PARVB: variants seen among roughly 807,000 people sequenced by gnomAD.
PARVB encodes beta-parvin.
Under a neutral mutation model 47.0 loss-of-function variants are expected in PARVB, and 46 were observed. The observed-to-expected ratio is 0.98, with a 90% CI of 0.77 to 1.25. The LOEUF (loss-of-function observed/expected upper bound fraction) is 1.25, where lower values mean the gene tolerates loss of function less well. PARVB is among the 50% of genes most tolerant of loss of function. PARVB has a pLI of 0.00. For missense variants in PARVB, 473 were observed against 471.6 expected (o/e 1.00, Z -0.03); for synonymous variants, 196 against 196.3 (o/e 1.00, Z 0.01).
intron 2 of PARVB, among the ~76,000 whole-genome samples, chr22:44,095,833 G>A (rs769401666): frequency 7.2e-5 from 11 of 152,212 alleles, no homozygotes; most frequent in Admixed American, 2.0e-4. Context: ...AAGAAACGCC[G>A]ATGCAAGTTC....
intron 1 of PARVB, among the ~76,000 whole-genome samples, chr22:44,073,650 G>C (rs1384419478): frequency 6.6e-6 from 1 of 152,194 alleles, no homozygotes; most frequent in Admixed American, 6.5e-5. Flanking sequence ...TGAGGAGGTG[G>C]GGCCCGCTTG....
Position 44,170,239 on chromosome 22 carries a change from G to A in PARVB, c.*1561G>A, listed in dbSNP as rs987444580. 2 of 152,010 alleles carry A rather than the reference G, an allele frequency of 1.3e-5. No homozygotes were observed. The highest frequency in any genetic ancestry group is 2.9e-5 in the Non-Finnish European group (2 of 68,050). The allele number at this position is 152,010 out of a possible 1,614,324, so 9.4% of individuals were successfully genotyped here. The stretch of plus-strand genomic sequence containing the variant: ...TGTTCTCAAACCCCTGGGCTTGAGC[G>A]ACCCACCCACCTCAGCCTCCCAAAG... On this transcript the variant is annotated 3_prime_UTR_variant, in exon 13 of 13. Transcript: ENST00000338758.
At chr22:44,153,006 T>G (rs1182383799) in intron 10 of PARVB, 1 of 152,094 alleles carries the variant, frequency 6.6e-6, no homozygotes, top group African/African-American at 2.4e-5. Context: ...GCACAGAGGG[T>G]TTTGTTCAGG....
At chr22:44,070,748 T>C (rs1416977980) in intron 1 of PARVB, among the ~76,000 whole-genome samples, 6 of 152,184 alleles carry the variant, frequency 3.9e-5, no homozygotes, top group Non-Finnish European at 8.8e-5. Context: ...TCCTGCACAG[T>C]GCTGGGCGGG....
chr22:44,110,195 G>T (rs1248731594), intron 3 of PARVB: 1 of 150,718 alleles, frequency 6.6e-6, no homozygotes, highest in African/African-American at 2.4e-5. Flanking sequence ...GTCTGTGCCT[G>T]CTTTAGCCGC....
chr22:44,139,289 T>G (rs746700864), intron 7 of PARVB: 30 of 152,208 alleles, frequency 2.0e-4, no homozygotes, highest in Non-Finnish European at 4.4e-4. Flanking sequence ...AGTGCAGTCT[T>G]GACCTCCCAG....
chr22:44,079,550 C>A (rs1305194589), intron 1 of PARVB, among the ~76,000 whole-genome samples: 1 of 152,226 alleles, frequency 6.6e-6, no homozygotes, highest in Non-Finnish European at 1.5e-5. Context: ...AATCTGACCC[C>A]TTACTCAGCC....
rs116827640 is a variant in PARVB, at chr22:44,016,446, G to T, written c.211+16773G>T. ...TTCCACTCTAAACCTCACTCTCTGT[G>T]TGTCCATGTCTTAGTTTTCTGTGGC... is the stretch of plus-strand genomic sequence containing the variant. On this transcript the variant is annotated intron_variant, in intron 2 of 13. Coordinates refer to the PARVB transcript ENST00000406477. Among the ~76,000 whole-genome samples, 1,011 of 152,210 alleles carry T rather than the reference G, an allele frequency of 6.6e-3. 13 individuals are homozygous for T. Among genetic ancestry groups the T allele is most frequent in the African/African-American group, 0.022 (927 of 41,536 alleles).
At chr22:44,016,364 G>A (rs1304377084) in intron 2 of PARVB, among the ~76,000 whole-genome samples, 1 of 152,102 alleles carries the variant, frequency 6.6e-6, no homozygotes, top group African/African-American at 2.4e-5. Context: ...CCAAAGTGCT[G>A]GGATTACAGG....
In PARVB at chr22:44,010,926, C is replaced by G. The variant is rs1474224387; in HGVS notation, c.211+11253C>G. ...TTTTTTTTTGAGATGGAGTCTCGCT[C>G]TGTCGCCCAGGCTAGAGTGCAGTGG... On this transcript the variant is annotated intron_variant, in intron 2 of 13. Transcript: ENST00000406477. 3.6e-5 allele frequency among the ~76,000 whole-genome samples: 5 copies of G among 139,882 alleles called. No individual in the cohort carries two copies. The South Asian group carries it at 1.1e-3, about 32-fold the overall frequency. 91.8% of individuals were successfully genotyped at this position (139,882 alleles called of 152,430 possible). A position where few individuals can be genotyped will look rare whatever the true frequency, so the allele number is the denominator to read the frequency against.
At chr22:44,122,942 A>G (rs1280706675) in intron 4 of PARVB, among the ~76,000 whole-genome samples, 1 of 152,150 alleles carries the variant, frequency 6.6e-6, no homozygotes, top group Non-Finnish European at 1.5e-5. Context: ...TTCTATCACC[A>G]GTAATATTGT....
At chr22:44,106,799 C>T (rs894142991) in intron 3 of PARVB, 1 of 93,986 alleles carries the variant, frequency 1.1e-5, no homozygotes, top group African/African-American at 5.1e-5. Context: ...GCCCTCTGCT[C>T]CTGTTTAAAA....
At chr22:44,052,581 T>G (rs1482579574) in intron 1 of PARVB, among the ~76,000 whole-genome samples, 4 of 152,222 alleles carry the variant, frequency 2.6e-5, no homozygotes, top group African/African-American at 9.6e-5. Flanking sequence ...AACTCTGCCT[T>G]GGAAGCATGA....
intron 6 of PARVB, among the ~76,000 whole-genome samples, chr22:44,134,346 C>T (rs751051805): frequency 1.2e-4 from 18 of 152,180 alleles, no homozygotes; most frequent in Non-Finnish European, 2.5e-4. Flanking sequence ...GGTTCACAGG[C>T]AGCCGGCCTG....
chr22:44,008,019 TAC>T (rs1471537857), intron 2 of PARVB, among the ~76,000 whole-genome samples: 1 of 152,236 alleles, frequency 6.6e-6, no homozygotes, highest in Non-Finnish European at 1.5e-5. Context: ...TACGCATGCA[TAC>T]ACCACATTTT....
intron 8 of PARVB, chr22:44,140,376 G>A: frequency 1.4e-6 from 1 of 715,878 alleles, no homozygotes; most frequent in South Asian, 1.5e-5. Flanking sequence ...TGGGGTGGAA[G>A]GCTGGGTGAC....
intron 1 of PARVB, among the ~76,000 whole-genome samples, chr22:44,042,719 C>T (rs2051041142): frequency 6.6e-6 from 1 of 152,190 alleles, no homozygotes; most frequent in Admixed American, 6.5e-5. Context: ...ACTGTGTGTG[C>T]AGCTGGGCAT....
chr22:44,131,609 C>T lies in PARVB; in HGVS notation c.499C>T (p.Leu167Phe), dbSNP rs185849187. 4.2e-5 allele frequency: 67 copies of T among 1,613,708 alleles called. No homozygotes were observed. The highest frequency in any genetic ancestry group is 2.0e-4 in the Admixed American group (12 of 59,964). ...HDLLRPRGWA[L>F]RWSVDSIHGK... ...CCTGCTGCGGCCCCGAGGCTGGGCG[C>T]TCCGGTGGAGCGTGGACTGTGAGTT... The change falls in exon 5 of 13, where the codon CTC (leucine) becomes TTC (phenylalanine). Residue 167 changes from leucine to phenylalanine, a missense_variant. By Grantham distance (22) the Leu-to-Phe change is conservative (BLOSUM62 0). Transcript: ENST00000338758.
chr22:44,060,842 TA>T (rs1487417257), intron 1 of PARVB, among the ~76,000 whole-genome samples: 1 of 152,080 alleles, frequency 6.6e-6, no homozygotes, highest in African/African-American at 2.4e-5. Context: ...AGTTAGCCAA[TA>T]CTGAGCCATC....
Sources: allele counts gnomAD v4.1 joint callset (sites outside exome capture counted in the v4.1 genomes callset), GRCh38; gene constraint gnomAD v4.1.1; transcripts MANE v1.5; gene names NCBI Gene and HGNC (gene_info 2026-07-23, HGNC 2026-07-21).